Variants in GRIN2B observed in about 807,000 individuals in gnomAD.
GRIN2B encodes glutamate receptor ionotropic, NMDA 2B.
In GRIN2B, 5 loss-of-function variants were observed where a neutral mutation model predicts 114.5. The observed-to-expected ratio is 0.04, with a 90% CI of 0.02 to 0.09. The LOEUF is 0.09. Ranked by LOEUF, GRIN2B falls within the 10% of genes least tolerant of loss-of-function variation. The probability of loss-of-function intolerance (pLI) is 1.00; values close to 1 mark genes in which losing one functional copy is unlikely to be tolerated. For missense variants in GRIN2B, 1,108 were observed against 1,943.5 expected, an observed-to-expected ratio of 0.57 and a Z score of 8.08; for synonymous variants, 787 against 745.1, an observed-to-expected ratio of 1.06 and a Z score of -0.92.
At position 13,563,320 on chromosome 12, in the gene GRIN2B, G is replaced by T. The variant is rs764888979; in HGVS notation, c.3918C>A (p.Thr1306=). 1 of 1,614,102 alleles carries T rather than the reference G, an allele frequency of 6.2e-7. No homozygotes were observed. Among genetic ancestry groups the T allele is most frequent in the African/African-American group, 1.3e-5 (1 of 74,934 alleles). ...CTTCTTCCTTCTGCAGGTCCACGAA[G>T]GTGTCGTAGGAGTGCTGCCGGCGCA... The part of the protein sequence containing the change: ...NKLRRQHSYD[T]FVDLQKEEAA... The change falls in exon 14 of 14, where the codon ACC becomes ACA. Residue 1306 remains threonine (T), a synonymous_variant. Transcript: ENST00000609686.
Position 13,891,094 on chromosome 12 carries a change from C to T in GRIN2B, c.-18-24868G>A, listed in dbSNP as rs80270065. 2.6e-3 allele frequency among the ~76,000 whole-genome samples: 399 copies of T among 152,256 alleles called. 1 individual carries two copies. The highest frequency in any genetic ancestry group is 4.6e-3 in the Non-Finnish European group (310 of 68,022). The stretch of plus-strand genomic sequence containing the variant: ...TGAAATGTGATTTTTAAATATGTTA[C>T]GTATTTCATTTGTGCAATGCCCTGG... On this transcript the variant is annotated intron_variant, in intron 2 of 13. Coordinates refer to ENST00000609686, the MANE Select transcript of GRIN2B (RefSeq NM_000834.5).
chr12:13,793,913 TA>T (rs918115838), intron 3 of GRIN2B, among the ~76,000 whole-genome samples: 20 of 150,520 alleles, frequency 1.3e-4, no homozygotes, highest in African/African-American at 4.4e-4. Context: ...TGGAAGTGGA[TA>T]AAAAGGGCCT....
intron 3 of GRIN2B, among the ~76,000 whole-genome samples, chr12:13,778,794 C>G (rs751389378): frequency 6.6e-6 from 1 of 152,152 alleles, no homozygotes; most frequent in Non-Finnish European, 1.5e-5. Context: ...CTCACTTGAT[C>G]GTTCATTCTT....
chr12:13,770,332 T>C (rs1227387252), intron 3 of GRIN2B, among the ~76,000 whole-genome samples: 1 of 152,240 alleles, frequency 6.6e-6, no homozygotes, highest in Non-Finnish European at 1.5e-5. Context: ...AAGAATTTAA[T>C]GTTCATTGAC....
chr12:13,693,559 A>G (rs1950232606), intron 4 of GRIN2B, among the ~76,000 whole-genome samples: 1 of 151,672 alleles, frequency 6.6e-6, no homozygotes, highest in Admixed American at 6.6e-5. Context: ...TCACAGGTTT[A>G]CATCCAGAGG....
chr12:13,840,433 AC>A (rs1423101229), intron 3 of GRIN2B, among the ~76,000 whole-genome samples: 2 of 152,142 alleles, frequency 1.3e-5, no homozygotes, highest in Non-Finnish European at 2.9e-5. Context: ...AGACAAAGAT[AC>A]CTGATTTAGA....
chr12:13,871,254 T>C (rs2136753789), intron 2 of GRIN2B, among the ~76,000 whole-genome samples: 1 of 152,084 alleles, frequency 6.6e-6, no homozygotes, highest in East Asian at 1.9e-4. Context: ...ATGAAAAATA[T>C]TAAATCTACA....
chr12:13,682,873 C>T (rs1317429021), intron 4 of GRIN2B, among the ~76,000 whole-genome samples: 5 of 152,134 alleles, frequency 3.3e-5, no homozygotes, highest in African/African-American at 1.2e-4. Context: ...GAGCTATTAC[C>T]TGGATTCTGT....
chr12:13,850,546 T>C (rs945072365), intron 3 of GRIN2B, among the ~76,000 whole-genome samples: 1 of 152,112 alleles, frequency 6.6e-6, no homozygotes, highest in Non-Finnish European at 1.5e-5. Flanking sequence ...CCTACATCCT[T>C]TCTTCTCTAA....
At chr12:13,841,521 T>C (rs1865378760) in intron 3 of GRIN2B, among the ~76,000 whole-genome samples, 1 of 152,160 alleles carries the variant, frequency 6.6e-6, no homozygotes, top group South Asian at 2.1e-4. Flanking sequence ...TGCCACACTT[T>C]TCACTGTGCT....
At chr12:13,627,286 T>C (rs2216218) in intron 5 of GRIN2B, among the ~76,000 whole-genome samples, 36,831 of 152,108 alleles carry the variant, frequency 0.24, 5,680 homozygotes, top group Middle Eastern at 0.43. Flanking sequence ...CAGTATCCTA[T>C]CATACAGTTG....
chr12:13,589,518 A>T (rs1794388385), intron 10 of GRIN2B, among the ~76,000 whole-genome samples: 1 of 152,240 alleles, frequency 6.6e-6, no homozygotes, highest in Non-Finnish European at 1.5e-5. Flanking sequence ...CAACAAAAAG[A>T]TCAGAGATTA....
intron 5 of GRIN2B, among the ~76,000 whole-genome samples, chr12:13,623,011 A>G (rs1414794491): frequency 6.6e-6 from 1 of 152,244 alleles, no homozygotes; most frequent in Non-Finnish European, 1.5e-5. Flanking sequence ...ATGGCCCTGC[A>G]TTATCTGTAT....
chr12:13,564,204 T>C lies in GRIN2B; in HGVS notation c.3034A>G (p.Thr1012Ala). ...TTGCTGATGGACCTGGACTGGGTGGTGAAGGGTGGGTTGTCACAGTCGTAG... is the reference window on the plus strand; with the variant it reads ...TTGCTGATGGACCTGGACTGGGTGGCGAAGGGTGGGTTGTCACAGTCGTAG... The part of the protein sequence containing the change: ...GLYDCDNPPF[T>A]TQSRSISKKP... Residue 1012 changes from threonine to alanine, a missense_variant, in exon 14 of 14, where the codon ACC (threonine) becomes GCC (alanine). Physicochemically the swap from Thr to Ala is moderately conservative, Grantham distance 58. Around this residue, in one of 19 missense-constraint regions of GRIN2B, gnomAD observed 140 missense variants for 187.5 expected, o/e 0.75. Transcript: ENST00000609686. The surrounding 1 kb of genome is among the most constrained non-coding windows in gnomAD (Gnocchi z 4.8). 1 of 1,613,888 alleles carries C rather than the reference T, an allele frequency of 6.2e-7. No individual in the cohort carries two copies. Among genetic ancestry groups the C allele is most frequent in the Non-Finnish European group, 8.5e-7 (1 of 1,179,972 alleles).
rs1268573021 is a variant in GRIN2B at position 13,548,676 on chromosome 12, C to A, written c.*14107G>T. The A allele has an allele frequency of 2.0e-5, 3 of 152,070 alleles. No individual in the cohort carries two copies. The highest frequency in any genetic ancestry group is 7.2e-5 in the African/African-American group (3 of 41,386). 9.4% of individuals were successfully genotyped at this position (152,070 alleles called of 1,614,324 possible). ...CAAGGTAGAAATAGCTACTGCCCCT[C>A]TCTCTTAGCTTACTATGATAACACG... is the stretch of plus-strand genomic sequence containing the variant. On this transcript the variant is annotated 3_prime_UTR_variant, in exon 14 of 14. Coordinates refer to ENST00000609686, the MANE Select transcript of GRIN2B (RefSeq NM_000834.5).
chr12:13,619,375 T>C (rs1481842558), intron 5 of GRIN2B, among the ~76,000 whole-genome samples: 1 of 152,204 alleles, frequency 6.6e-6, no homozygotes, highest in Non-Finnish European at 1.5e-5. Flanking sequence ...ATCTAGCATA[T>C]GGGGTGAAGG....
intron 3 of GRIN2B, among the ~76,000 whole-genome samples, chr12:13,865,044 C>A (rs1050541012): frequency 6.6e-6 from 1 of 152,152 alleles, no homozygotes; most frequent in African/African-American, 2.4e-5. Context: ...AGCGTTAATA[C>A]CTTGGCAAGA....
intron 10 of GRIN2B, among the ~76,000 whole-genome samples, chr12:13,572,679 C>T (rs186272977): frequency 4.6e-5 from 7 of 152,266 alleles, no homozygotes; most frequent in African/African-American, 9.6e-5. Flanking sequence ...CTGGCTATCA[C>T]CCTGCAATGC....
Position 13,553,270 on chromosome 12 carries a change from T to G in GRIN2B, c.*9513A>C, listed in dbSNP as rs1180684207. ...TAAGGGAGGGCCATAAGGTCAGAAG[T>G]GATGTTGTCTCCCCCTGAGGTAATG... is the stretch of plus-strand genomic sequence containing the variant. On this transcript the variant is annotated 3_prime_UTR_variant, in exon 14 of 14. Transcript: ENST00000609686. The G allele has an allele frequency of 6.6e-6, 1 of 152,162 alleles. No homozygotes were observed. The highest frequency in any genetic ancestry group is 1.5e-5 in the Non-Finnish European group (1 of 68,038). The allele number at this position is 152,162 out of a possible 1,614,324, so 9.4% of individuals were successfully genotyped here.
Sources: gnomAD v4.1 joint callset for allele counts (sites outside exome capture counted in the v4.1 genomes callset) on GRCh38, gnomAD v4.1.1 for gene constraint, gnomAD v4.1.1 regional missense constraint, Gnocchi (gnomAD v3.1) non-coding constraint, MANE v1.5 for transcripts, NCBI Gene and HGNC (gene_info 2026-07-23, HGNC 2026-07-21) for gene names.